RHD: variants seen among roughly 807,000 people sequenced by gnomAD.
The protein encoded by RHD is Rh blood group D antigen, also known as blood group Rh(D) polypeptide.
RHD carries 16 observed loss-of-function variants against 45.5 expected under a neutral mutation model. The observed-to-expected ratio is 0.35, with a 90% CI of 0.24 to 0.53. The LOEUF (loss-of-function observed/expected upper bound fraction) is 0.53. RHD is among the 20% of genes least tolerant of loss of function. The probability of loss-of-function intolerance (pLI) is 0.92; values close to 1 mark genes in which losing one functional copy is unlikely to be tolerated. For synonymous variants in RHD, 131 were observed against 217.5 expected (o/e 0.60, Z 3.50); for missense variants, 306 against 532.0 (o/e 0.58, Z 4.18).
At chr1:25,319,492 C>G (rs1190050284) in intron 8 of RHD, among the ~76,000 whole-genome samples, 1 of 131,644 alleles carries the variant, frequency 7.6e-6, no homozygotes, top group Non-Finnish European at 1.8e-5. Context: ...ACCTGTAGTC[C>G]CAGCTGCTCT....
chr1:25,286,709 C>T (rs1395879503), intron 2 of RHD, among the ~76,000 whole-genome samples: 3 of 133,850 alleles, frequency 2.2e-5, no homozygotes, highest in Admixed American at 2.2e-4. Context: ...TGGCGTGAAC[C>T]CGGGAGGCGG....
Position 25,320,436 on chromosome 1 carries a change from G to A in RHD, c.1154-1453G>A, listed in dbSNP as rs1644638452. ...GTGATGAGTAAGCCTCAGCTATCTG[G>A]AAAATTCATGCAGGCGCCAGAGATC... On this transcript the variant is annotated intron_variant, in intron 8 of 9. Transcript: ENST00000328664. Among the ~76,000 whole-genome samples the A allele has an allele frequency of 1.5e-5, 2 of 131,970 alleles. 1 individual carries two copies. 86.6% of individuals were successfully genotyped at this position (131,970 alleles called of 152,430 possible).
Position 25,320,306 on chromosome 1 carries a change from A to G in RHD, c.1154-1583A>G, listed in dbSNP as rs1024063878. The stretch of plus-strand genomic sequence containing the variant: ...CCTTTTCCACGTTATATGGCACGTT[A>G]TAAGTGGGTGTTCCTAGTGATGGTT... On this transcript the variant is annotated intron_variant, in intron 8 of 9. Coordinates refer to ENST00000328664, the MANE Select transcript of RHD (RefSeq NM_016124.6). Among the ~76,000 whole-genome samples, 2 of 132,552 alleles carry G rather than the reference A, an allele frequency of 1.5e-5. 1 individual carries two copies. The highest frequency in any genetic ancestry group is 3.6e-5 in the Non-Finnish European group (2 of 55,984). The allele number at this position is 132,552 out of a possible 152,430, so 87.0% of individuals were successfully genotyped here. A position where few individuals can be genotyped will look rare whatever the true frequency, so the allele number is the denominator to read the frequency against.
intron 1 of RHD, among the ~76,000 whole-genome samples, chr1:25,284,018 G>A (rs1463161464): frequency 7.4e-6 from 1 of 134,874 alleles, no homozygotes; most frequent in Non-Finnish European, 1.8e-5. Context: ...AGCTCACCAG[G>A]TCCCTCGCAG....
At chr1:25,290,014 A>C (rs1270732818) in intron 2 of RHD, among the ~76,000 whole-genome samples, 1 of 126,986 alleles carries the variant, frequency 7.9e-6, no homozygotes, top group East Asian at 2.0e-4. Flanking sequence ...TCACATCCCC[A>C]GGACACCAAC....
At chr1:25,302,601 G>A (rs150305875) in intron 5 of RHD, among the ~76,000 whole-genome samples, 5 of 129,820 alleles carry the variant, frequency 3.9e-5, no homozygotes, top group South Asian at 2.4e-4. Context: ...GCAAGGCTCC[G>A]GTTCTGGAGC....
rs1257578225 is a variant in RHD at position 25,321,668 on chromosome 1, T to G, written c.1154-221T>G. On this transcript the variant is annotated intron_variant, in intron 8 of 9. Coordinates refer to ENST00000328664, the MANE Select transcript of RHD (RefSeq NM_016124.6). Reference sequence around the variant, plus strand: ...CTGGGCGATAGAGTGAGACTCTGTCTCAAAATAAATAAAATAAAATAAAAT... The same window carrying G: ...CTGGGCGATAGAGTGAGACTCTGTCGCAAAATAAATAAAATAAAATAAAAT... 1.8e-5 allele frequency among the ~76,000 whole-genome samples: 2 copies of G among 110,568 alleles called. 1 individual carries two copies. The highest frequency in any genetic ancestry group is 4.2e-5 in the Non-Finnish European group (2 of 47,216). The allele number at this position is 110,568 out of a possible 152,430, so 72.5% of individuals were successfully genotyped here. A position where few individuals can be genotyped will look rare whatever the true frequency, so the allele number is the denominator to read the frequency against.
rs112146441 is a variant in RHD at position 25,329,017 on chromosome 1, A to G, written c.*93A>G. On this transcript the variant is annotated 3_prime_UTR_variant, in exon 10 of 10. Transcript: ENST00000328664. ...TTTGTACGTGAGAAACGCTCATGACAGCAAAGTCTCCAATGTTCGCGCAGG... is the reference window on the plus strand; with the variant it reads ...TTTGTACGTGAGAAACGCTCATGACGGCAAAGTCTCCAATGTTCGCGCAGG... The G allele has an allele frequency of 3.3e-3, 4,566 of 1,378,158 alleles. 780 individuals are homozygous for G. In the African/African-American group the frequency reaches 0.057, roughly 17 times the overall value. The allele number at this position is 1,378,158 out of a possible 1,614,324, so 85.4% of individuals were successfully genotyped here.
chr1:25,301,616 C>T lies in RHD; in HGVS notation c.731C>T (p.Ala244Val), dbSNP rs763237896. 1 of 1,380,244 alleles carries T rather than the reference C, an allele frequency of 7.2e-7. No homozygotes were observed. The highest frequency in any genetic ancestry group is 1.2e-5 in the South Asian group (1 of 84,934). 85.5% of individuals were successfully genotyped at this position (1,380,244 alleles called of 1,614,324 possible). Reference sequence around the variant, plus strand: ...AATGCCGTGTTCAACACCTACTATGCTGTAGCAGTCAGCGTGGTGACAGCC... The same window carrying T: ...AATGCCGTGTTCAACACCTACTATGTTGTAGCAGTCAGCGTGGTGACAGCC... ...RKNAVFNTYYAVAVSVVTAIS... is the reference protein window; with the variant it reads ...RKNAVFNTYYVVAVSVVTAIS... The change falls in exon 5 of 10, where the codon GCT (alanine) becomes GTT (valine). Residue 244 changes from alanine (A) to valine (V), a missense_variant. By Grantham distance (64) the Ala-to-Val change is moderately conservative. Coordinates refer to ENST00000328664, the MANE Select transcript of RHD (RefSeq NM_016124.6).
At position 25,307,621 on chromosome 1, in the gene RHD, G is replaced by A. The variant is rs764980581; in HGVS notation, c.1073+892G>A. ...GGTATTCTCAGACTCTAAGAAATGA[G>A]ATTTAAGAGAAGTTATCTGCCCAAG... is the stretch of plus-strand genomic sequence containing the variant. On this transcript the variant is annotated intron_variant, in intron 7 of 9. Coordinates refer to ENST00000328664, the MANE Select transcript of RHD (RefSeq NM_016124.6). 3.0e-6 allele frequency: 3 copies of A among 992,896 alleles called. No homozygotes were observed. In the South Asian group the frequency reaches 4.2e-5, roughly 14 times the overall value. 61.5% of individuals were successfully genotyped at this position (992,896 alleles called of 1,614,324 possible).
chr1:25,281,302 A>G (rs1457332029), intron 1 of RHD, among the ~76,000 whole-genome samples: 1 of 129,040 alleles, frequency 7.7e-6, no homozygotes, highest in African/African-American at 2.8e-5. Context: ...TCTTCCTTAC[A>G]ATGTACAATT....
Position 25,306,494 on chromosome 1 carries a change from C to T in RHD, c.940-102C>T. On this transcript the variant is annotated intron_variant, in intron 6 of 9. Coordinates refer to ENST00000328664, the MANE Select transcript of RHD (RefSeq NM_016124.6). ...CTTCTTTGAGGTGAGCCTTAGTGCCCATCCCCCTTTGGTGGCCCCGGATAC... is the reference window on the plus strand; with the variant it reads ...CTTCTTTGAGGTGAGCCTTAGTGCCTATCCCCCTTTGGTGGCCCCGGATAC... The T allele has an allele frequency of 2.7e-6, 3 of 1,103,586 alleles. 1 individual carries two copies. The highest frequency in any genetic ancestry group is 2.5e-5 in the South Asian group (2 of 79,866). The allele number at this position is 1,103,586 out of a possible 1,614,324, so 68.4% of individuals were successfully genotyped here. A position where few individuals can be genotyped will look rare whatever the true frequency, so the allele number is the denominator to read the frequency against.
At chr1:25,322,555 C>T (rs1303353232) in intron 9 of RHD, among the ~76,000 whole-genome samples, 1 of 132,320 alleles carries the variant, frequency 7.6e-6, no homozygotes, top group Non-Finnish European at 1.8e-5. Context: ...TGCCTGTAAT[C>T]CCAGTTACTC....
rs1640658995 is a variant in RHD, at chr1:25,273,335, G to A, written c.148+640G>A. Among the ~76,000 whole-genome samples the A allele has an allele frequency of 1.9e-5, 2 of 106,310 alleles. 1 individual carries two copies. Among genetic ancestry groups the A allele is most frequent in the Non-Finnish European group, 4.5e-5 (2 of 44,412 alleles). The allele number at this position is 106,310 out of a possible 152,430, so 69.7% of individuals were successfully genotyped here. Reference sequence around the variant, plus strand: ...TTTTTTTTTTTTTGGTAGAGATGTGGGTCTCCCTGTGTTTCCCAGACTGGT... The same window carrying A: ...TTTTTTTTTTTTTGGTAGAGATGTGAGTCTCCCTGTGTTTCCCAGACTGGT... On this transcript the variant is annotated intron_variant, in intron 1 of 9. Transcript: ENST00000328664.
chr1:25,314,962 T>C lies in RHD; in HGVS notation c.1074-2038T>C, dbSNP rs1292967525. On this transcript the variant is annotated intron_variant, in intron 7 of 9. Coordinates refer to ENST00000328664, the MANE Select transcript of RHD (RefSeq NM_016124.6). ...GCTCACACCTGTAATCCCAGCACTT[T>C]GGGAGGCTGAGGCTGGCGGATCACA... is the stretch of plus-strand genomic sequence containing the variant. Among the ~76,000 whole-genome samples the C allele has an allele frequency of 6.1e-5, 8 of 130,662 alleles. 1 individual carries two copies. The highest frequency in any genetic ancestry group is 4.5e-4 in the Admixed American group (6 of 13,324). 85.7% of individuals were successfully genotyped at this position (130,662 alleles called of 152,430 possible).
At chr1:25,286,392 G>T (rs1195161707) in intron 2 of RHD, among the ~76,000 whole-genome samples, 2 of 135,022 alleles carry the variant, frequency 1.5e-5, no homozygotes, top group Non-Finnish European at 3.5e-5. Flanking sequence ...GGGAGGCTGA[G>T]GCAGGAGGAT....
In RHD at chr1:25,307,895, G is replaced by A. The variant is rs1289404894; in HGVS notation, c.1073+1166G>A. The A allele has an allele frequency of 1.9e-6, 2 of 1,074,144 alleles. 1 individual carries two copies. The highest frequency in any genetic ancestry group is 2.7e-6 in the Non-Finnish European group (2 of 739,376). The allele number at this position is 1,074,144 out of a possible 1,614,324, so 66.5% of individuals were successfully genotyped here. ...CCTCTGTGATGGGTTCCAGTGATGT[G>A]TCTGCCACTGTCTTAATAACTGTGC... is the stretch of plus-strand genomic sequence containing the variant. On this transcript the variant is annotated intron_variant, in intron 7 of 9. Transcript: ENST00000328664.
At position 25,292,622 on chromosome 1, in the gene RHD, G is replaced by A. The variant is rs1207790215; in HGVS notation, c.486+1831G>A. ...GAGGGAAAACCCAGAGTTCAGTGTC[G>A]AATGTGGTAGCGTTAGGGTTAAGGT... On this transcript the variant is annotated intron_variant, in intron 3 of 9. Transcript: ENST00000328664. Among the ~76,000 whole-genome samples, 2 of 129,378 alleles carry A rather than the reference G, an allele frequency of 1.5e-5. 1 individual carries two copies. The highest frequency in any genetic ancestry group is 3.9e-4 in the East Asian group (2 of 5,068). The allele number at this position is 129,378 out of a possible 152,430, so 84.9% of individuals were successfully genotyped here. A position where few individuals can be genotyped will look rare whatever the true frequency, so the allele number is the denominator to read the frequency against.
In RHD at chr1:25,276,742, C is replaced by T. The variant is rs1203217240; in HGVS notation, c.148+4047C>T. 5.4e-5 allele frequency among the ~76,000 whole-genome samples: 7 copies of T among 129,336 alleles called. No homozygotes were observed. The East Asian group carries it at 1.4e-3, about 26-fold the overall frequency. The allele number at this position is 129,336 out of a possible 152,430, so 84.8% of individuals were successfully genotyped here. On this transcript the variant is annotated intron_variant, in intron 1 of 9. Coordinates refer to ENST00000328664, the MANE Select transcript of RHD (RefSeq NM_016124.6). ...AAAAATAAAAATATTTGAGGTGAAG[C>T]GAGGCTGTAATAACAAATTTAAAAA...
Sources: gnomAD v4.1 joint callset for allele counts (sites outside exome capture counted in the v4.1 genomes callset) on GRCh38, gnomAD v4.1.1 for gene constraint, MANE v1.5 for transcripts, NCBI Gene and HGNC (gene_info 2026-07-23, HGNC 2026-07-21) for gene names.